The following EFNA5 variants were observed in gnomAD, a reference collection of about 807,000 sequenced individuals.
The protein encoded by EFNA5 is ephrin A5, also known as ephrin-A5.
A neutral mutation model predicts 22.9 loss-of-function variants in EFNA5; 5 were observed. That is an observed-to-expected ratio of 0.22 (90% CI 0.11 to 0.46). The LOEUF is 0.46. EFNA5 is among the 20% of genes least tolerant of loss of function. EFNA5 has a pLI of 0.99. For synonymous variants in EFNA5, 113 were observed against 112.2 expected (o/e 1.01, Z -0.04); for missense variants, 237 against 293.3 (o/e 0.81, Z 1.40).
chr5:107,594,475 A>AT (rs1222498770), intron 1 of EFNA5, among the ~76,000 whole-genome samples: 3 of 151,970 alleles, frequency 2.0e-5, no homozygotes, highest in Non-Finnish European at 2.9e-5. Flanking sequence ...AGAGGTTTGG[A>AT]TAAGTGTGCC....
At chr5:107,657,679 T>G (rs970274733) in intron 1 of EFNA5, among the ~76,000 whole-genome samples, 2 of 152,202 alleles carry the variant, frequency 1.3e-5, no homozygotes, top group African/African-American at 4.8e-5. Flanking sequence ...CCTGTTCATC[T>G]GTTTCCTTTC....
chr5:107,452,175 A>G (rs1277188481), intron 1 of EFNA5, among the ~76,000 whole-genome samples: 1 of 152,104 alleles, frequency 6.6e-6, no homozygotes, highest in Non-Finnish European at 1.5e-5. Flanking sequence ...GAACACATGG[A>G]CACAGGGAGG....
chr5:107,609,220 G>T (rs560966674), intron 1 of EFNA5, among the ~76,000 whole-genome samples: 3 of 152,162 alleles, frequency 2.0e-5, no homozygotes, highest in Non-Finnish European at 4.4e-5. Flanking sequence ...AACGCACTTG[G>T]TTGTTATCAT....
intron 1 of EFNA5, among the ~76,000 whole-genome samples, chr5:107,577,420 G>A (rs1748948873): frequency 6.6e-6 from 1 of 152,092 alleles, no homozygotes; most frequent in African/African-American, 2.4e-5. Context: ...AGAGCTGTGT[G>A]CCCTTTCAGA....
intron 1 of EFNA5, among the ~76,000 whole-genome samples, chr5:107,474,243 C>T (rs907740940): frequency 3.3e-5 from 5 of 152,122 alleles, no homozygotes; most frequent in Non-Finnish European, 7.3e-5. Flanking sequence ...TGGATGACAC[C>T]CAGTTTGTAC....
intron 1 of EFNA5, among the ~76,000 whole-genome samples, chr5:107,570,726 A>G (rs1221866622): frequency 6.6e-6 from 1 of 152,186 alleles, no homozygotes; most frequent in Non-Finnish European, 1.5e-5. Context: ...AGTTTCTGAA[A>G]AAAAATTAAT....
rs1439026805 is a variant in EFNA5 at position 107,533,797 on chromosome 5, G to A, written c.126-106288C>T. ...AAATATATATCAGCATCTTTGTCAC[G>A]GAGCTAGACGGCTTCTTTATCCTTT... On this transcript the variant is annotated intron_variant, in intron 1 of 4. Transcript: ENST00000333274. 5.3e-5 allele frequency among the ~76,000 whole-genome samples: 8 copies of A among 152,132 alleles called. No individual in the cohort carries two copies. The East Asian group carries it at 7.7e-4, about 15-fold the overall frequency.
chr5:107,547,117 G>A (rs937695372), intron 1 of EFNA5, among the ~76,000 whole-genome samples: 3 of 152,148 alleles, frequency 2.0e-5, no homozygotes, highest in Admixed American at 1.3e-4. Flanking sequence ...GTAGCTTTTT[G>A]TATTACTTAC....
At chr5:107,563,349 T>C (rs1748588844) in intron 1 of EFNA5, among the ~76,000 whole-genome samples, 1 of 152,292 alleles carries the variant, frequency 6.6e-6, no homozygotes. Context: ...CCTTTTGTGT[T>C]CCCTCCTGTG....
chr5:107,620,180 T>C (rs555299878), intron 1 of EFNA5, among the ~76,000 whole-genome samples: 1 of 152,346 alleles, frequency 6.6e-6, no homozygotes, highest in African/African-American at 2.4e-5. Flanking sequence ...ATAAAGAATA[T>C]TGACAAAATC....
At chr5:107,440,862 T>C (rs1749237753) in intron 1 of EFNA5, among the ~76,000 whole-genome samples, 1 of 152,140 alleles carries the variant, frequency 6.6e-6, no homozygotes, top group South Asian at 2.1e-4. Context: ...TGATGGTAAA[T>C]GTTACTCTAA....
At chr5:107,584,553 A>T (rs914867257) in intron 1 of EFNA5, among the ~76,000 whole-genome samples, 2 of 152,198 alleles carry the variant, frequency 1.3e-5, no homozygotes, top group African/African-American at 4.8e-5. Flanking sequence ...TTGGATAGTC[A>T]TTGCCTTCAG....
chr5:107,539,607 T>C (rs942822799), intron 1 of EFNA5, among the ~76,000 whole-genome samples: 4 of 152,084 alleles, frequency 2.6e-5, no homozygotes, highest in African/African-American at 9.7e-5. Flanking sequence ...TTCAGGCACA[T>C]GCCACCATGC....
chr5:107,530,527 G>A (rs655138), intron 1 of EFNA5, among the ~76,000 whole-genome samples: 2 of 152,260 alleles, frequency 1.3e-5, no homozygotes, highest in Admixed American at 1.3e-4. Flanking sequence ...TGCTCTTGAT[G>A]TCTAATCCAT....
chr5:107,422,601 G>C (rs1748701471), intron 2 of EFNA5, among the ~76,000 whole-genome samples: 1 of 152,244 alleles, frequency 6.6e-6, no homozygotes, highest in Non-Finnish European at 1.5e-5. Flanking sequence ...CCCGATGTAG[G>C]AGTGTACTGG....
At chr5:107,595,895 A>T (rs1015934066) in intron 1 of EFNA5, among the ~76,000 whole-genome samples, 1 of 152,206 alleles carries the variant, frequency 6.6e-6, no homozygotes, top group South Asian at 2.1e-4. Context: ...AGAGAAAAAG[A>T]TATATAAACC....
chr5:107,623,027 C>CAAAAAAAAAAAAA (rs61689503), intron 1 of EFNA5, among the ~76,000 whole-genome samples: 1 of 29,902 alleles, frequency 3.3e-5, no homozygotes, highest in African/African-American at 1.4e-4. Context: ...GACTCCGTCT[C>CAAAAAAAAAAAAA]AAAAAAAAAA....
intron 1 of EFNA5, among the ~76,000 whole-genome samples, chr5:107,615,343 C>T (rs1018794057): frequency 1.3e-5 from 2 of 152,014 alleles, no homozygotes; most frequent in African/African-American, 4.8e-5. Context: ...CTGTGATGCT[C>T]TGTTCCATCA....
intron 1 of EFNA5, among the ~76,000 whole-genome samples, chr5:107,615,782 A>G (rs1186285624): frequency 1.3e-5 from 2 of 152,134 alleles, no homozygotes; most frequent in Admixed American, 1.3e-4. Context: ...AATCAACACA[A>G]AGGGAGGGGT....
Sources: allele counts gnomAD v4.1 joint callset (sites outside exome capture counted in the v4.1 genomes callset), GRCh38; gene constraint gnomAD v4.1.1; transcripts MANE v1.5; gene names NCBI Gene and HGNC (gene_info 2026-07-23, HGNC 2026-07-21).